The following RBMS3 variants were observed in gnomAD, a reference collection of about 807,000 sequenced individuals.
The protein encoded by RBMS3 is RNA-binding motif, single-stranded-interacting protein 3.
A neutral mutation model predicts 66.8 loss-of-function variants in RBMS3; 27 were observed. The observed-to-expected ratio is 0.40, with a 90% CI of 0.30 to 0.56. The LOEUF is 0.56. Among genes scored for constraint, RBMS3 ranks in the 20% least tolerant of loss-of-function variants. The pLI, the probability that RBMS3 is intolerant of heterozygous loss-of-function variation, is 0.40. For missense variants in RBMS3, 513 were observed against 549.5 expected, an observed-to-expected ratio of 0.93 and a Z score of 0.66; for synonymous variants, 188 against 183.0, an observed-to-expected ratio of 1.03 and a Z score of -0.22.
chr3:29,808,968 G>A (rs536837750), intron 6 of RBMS3, among the ~76,000 whole-genome samples: 7 of 151,916 alleles, frequency 4.6e-5, no homozygotes, highest in Non-Finnish European at 4.4e-5. Flanking sequence ...AGTCAGTGAG[G>A]AAACATTGAT....
intron 10 of RBMS3, among the ~76,000 whole-genome samples, chr3:29,910,879 A>G (rs1196501218): frequency 6.6e-6 from 1 of 152,088 alleles, no homozygotes; most frequent in Non-Finnish European, 1.5e-5. Flanking sequence ...AAATGATAAC[A>G]CAAATACAAG....
chr3:29,802,416 C>A (rs1320932017), intron 6 of RBMS3, among the ~76,000 whole-genome samples: 1 of 152,046 alleles, frequency 6.6e-6, no homozygotes, highest in Non-Finnish European at 1.5e-5. Context: ...TATAACATAA[C>A]CCCAGTTCTC....
At chr3:29,876,451 T>A (rs1382315433) in intron 7 of RBMS3, among the ~76,000 whole-genome samples, 2 of 152,240 alleles carry the variant, frequency 1.3e-5, no homozygotes, top group Non-Finnish European at 2.9e-5. Flanking sequence ...TTAGGTGAAT[T>A]ATTCATGTAT....
chr3:29,965,205 T>C (rs977867129), intron 12 of RBMS3, among the ~76,000 whole-genome samples: 1 of 152,162 alleles, frequency 6.6e-6, no homozygotes, highest in Non-Finnish European at 1.5e-5. Context: ...ATTTTTTGAA[T>C]AATAATAATT....
intron 12 of RBMS3, among the ~76,000 whole-genome samples, chr3:29,979,371 T>C (rs1697823208): frequency 6.6e-6 from 1 of 152,210 alleles, no homozygotes; most frequent in South Asian, 2.1e-4. Flanking sequence ...AAAGATACTC[T>C]GATTCAGTTT....
chr3:29,700,859 C>CGT (rs2052536008), intron 4 of RBMS3, among the ~76,000 whole-genome samples: 1 of 22,490 alleles, frequency 4.4e-5, no homozygotes. Flanking sequence ...AGATTATAAG[C>CGT]ATGTGTGTGT....
At chr3:29,512,499 T>A (rs944844351) in intron 3 of RBMS3, among the ~76,000 whole-genome samples, 1 of 152,200 alleles carries the variant, frequency 6.6e-6, no homozygotes. Flanking sequence ...TAAAAAGTCT[T>A]AAAACTTTAA....
chr3:29,646,554 G>A (rs1299690347), intron 4 of RBMS3, among the ~76,000 whole-genome samples: 2 of 151,876 alleles, frequency 1.3e-5, no homozygotes, highest in Non-Finnish European at 1.5e-5. Context: ...GTTACCTAAT[G>A]TCTCTTATAA....
At chr3:29,325,624 A>G (rs1464503018) in intron 1 of RBMS3, among the ~76,000 whole-genome samples, 2 of 127,846 alleles carry the variant, frequency 1.6e-5, no homozygotes, top group African/African-American at 6.3e-5. Context: ...GTGTGTATAT[A>G]TGTATGTATA....
intron 4 of RBMS3, among the ~76,000 whole-genome samples, chr3:29,724,818 C>A (rs1488036546): frequency 6.6e-6 from 1 of 152,220 alleles, no homozygotes; most frequent in South Asian, 2.1e-4. Flanking sequence ...TCTAATTCTT[C>A]GTTGCCCTAA....
In RBMS3 at chr3:29,725,285, T is replaced by C. The variant is rs187238131; in HGVS notation, c.400-14435T>C. 1.1e-4 allele frequency among the ~76,000 whole-genome samples: 17 copies of C among 152,294 alleles called. No individual in the cohort carries two copies. The East Asian group carries it at 3.1e-3, about 28-fold the overall frequency. On this transcript the variant is annotated intron_variant, in intron 4 of 14. Coordinates refer to ENST00000383767, the MANE Select transcript of RBMS3 (RefSeq NM_001003793.3). ...GTCGAGTCACATTAAACGTAAGACT[T>C]ATTTCTTTCTAACTTACGAGTTTTT...
chr3:29,544,479 C>CA (rs1426615879), intron 3 of RBMS3, among the ~76,000 whole-genome samples: 1 of 151,710 alleles, frequency 6.6e-6, no homozygotes, highest in Non-Finnish European at 1.5e-5. Flanking sequence ...AAGAAAAGAT[C>CA]ACTAAGCTGA....
At chr3:29,486,243 G>A (rs759764079) in intron 2 of RBMS3, among the ~76,000 whole-genome samples, 1 of 152,152 alleles carries the variant, frequency 6.6e-6, no homozygotes, top group Non-Finnish European at 1.5e-5. Context: ...GACATGAACT[G>A]TAACCAGTGG....
chr3:29,583,753 T>C (rs2047413016), intron 3 of RBMS3, among the ~76,000 whole-genome samples: 2 of 152,262 alleles, frequency 1.3e-5, no homozygotes, highest in South Asian at 4.1e-4. Flanking sequence ...TTCTGCTTGA[T>C]CTTTCCTATC....
intron 4 of RBMS3, among the ~76,000 whole-genome samples, chr3:29,648,959 T>C (rs532593921): frequency 6.6e-6 from 1 of 152,280 alleles, no homozygotes; most frequent in South Asian, 2.1e-4. Flanking sequence ...CCAATGCAAC[T>C]TCACCACCTG....
intron 6 of RBMS3, among the ~76,000 whole-genome samples, chr3:29,825,262 C>T (rs1319040867): frequency 6.6e-6 from 1 of 152,088 alleles, no homozygotes; most frequent in Non-Finnish European, 1.5e-5. Context: ...GTCTTGAACT[C>T]CTGACCTCAG....
At chr3:29,588,362 T>A (rs1284754192) in intron 4 of RBMS3, among the ~76,000 whole-genome samples, 1 of 152,110 alleles carries the variant, frequency 6.6e-6, no homozygotes, top group Non-Finnish European at 1.5e-5. Context: ...CATTTAAGTA[T>A]TCCCATAAGA....
intron 4 of RBMS3, among the ~76,000 whole-genome samples, chr3:29,687,863 G>T (rs75128355): frequency 2.0e-5 from 3 of 152,060 alleles, no homozygotes; most frequent in African/African-American, 4.8e-5. Context: ...GCTTCAAGGG[G>T]ATTATTAGAC....
At chr3:29,292,879 A>G (rs1290049223) in intron 1 of RBMS3, among the ~76,000 whole-genome samples, 1 of 151,872 alleles carries the variant, frequency 6.6e-6, no homozygotes, top group Non-Finnish European at 1.5e-5. Flanking sequence ...AGCAAGGAAA[A>G]GGTCATTTAC....
Sources: allele counts gnomAD v4.1 joint callset (sites outside exome capture counted in the v4.1 genomes callset), GRCh38; gene constraint gnomAD v4.1.1; transcripts MANE v1.5; gene names NCBI Gene and HGNC (gene_info 2026-07-23, HGNC 2026-07-21).